HTR4: variants seen among roughly 807,000 people sequenced by gnomAD.
The protein encoded by HTR4 is 5-hydroxytryptamine receptor 4.
HTR4 carries 16 observed loss-of-function variants against 36.8 expected under a neutral mutation model. The observed-to-expected ratio is 0.43, with a 90% confidence interval of 0.29 to 0.66. HTR4 has a LOEUF of 0.66. HTR4 is among the 30% of genes least tolerant of loss of function. The pLI, the probability that HTR4 is intolerant of heterozygous loss-of-function variation, is 0.13. For missense variants in HTR4, 438 were observed against 490.9 expected, an observed-to-expected ratio of 0.89 and a Z score of 1.02; for synonymous variants, 189 against 185.1, an observed-to-expected ratio of 1.02 and a Z score of -0.17.
chr5:148,544,130 C>A (rs1420260369), intron 4 of HTR4, among the ~76,000 whole-genome samples: 1 of 152,178 alleles, frequency 6.6e-6, no homozygotes, highest in Non-Finnish European at 1.5e-5. Flanking sequence ...CCCCCAACCC[C>A]AATTTAACTG....
At chr5:148,475,194 C>G (rs978940241), downstream of HTR4, among the ~76,000 whole-genome samples, 1 of 152,138 alleles carries the variant, frequency 6.6e-6, no homozygotes, top group Non-Finnish European at 1.5e-5. Context: ...AATTATACAA[C>G]CTCATGAGTT....
intron 2 of HTR4, among the ~76,000 whole-genome samples, chr5:148,591,216 G>A (rs1056421870): frequency 1.3e-5 from 2 of 152,084 alleles, no homozygotes; most frequent in African/African-American, 4.8e-5. Flanking sequence ...GTACTATTTT[G>A]TTTTGGTTAC....
chr5:148,482,783 G>A lies in HTR4; in HGVS notation c.*420C>T. 9.6e-7 allele frequency: 1 copy of A among 1,043,314 alleles called. No individual in the cohort carries two copies. Among genetic ancestry groups the A allele is most frequent in the Non-Finnish European group, 1.2e-6 (1 of 862,902 alleles). The allele number at this position is 1,043,314 out of a possible 1,614,324, so 64.6% of individuals were successfully genotyped here. Reference sequence around the variant, plus strand: ...CTCTGGCTAAGACAGGAACAGAGAGGGAGTATTTTGTTGATATCTGGAAGC... The same window carrying A: ...CTCTGGCTAAGACAGGAACAGAGAGAGAGTATTTTGTTGATATCTGGAAGC... On this transcript the variant is annotated 3_prime_UTR_variant, in exon 7 of 7. Transcript: ENST00000377888.
chr5:148,617,461 C>A (rs977468612), intron 2 of HTR4, among the ~76,000 whole-genome samples: 1 of 137,546 alleles, frequency 7.3e-6, no homozygotes, highest in Admixed American at 7.3e-5. Context: ...TCAAGTCTCT[C>A]TCTTTTGTTT....
intron 5 of HTR4, among the ~76,000 whole-genome samples, chr5:148,510,866 G>T (rs1757464350): frequency 6.6e-6 from 1 of 152,172 alleles, no homozygotes; most frequent in Non-Finnish European, 1.5e-5. Flanking sequence ...GCCAAGAGGG[G>T]CCTTAGGGCT....
chr5:148,566,291 G>A (rs1760439433), intron 2 of HTR4, among the ~76,000 whole-genome samples: 2 of 152,146 alleles, frequency 1.3e-5, no homozygotes, highest in Non-Finnish European at 2.9e-5. Context: ...TATGGGTCCA[G>A]ATACTATAGT....
At chr5:148,574,805 G>A (rs112862035) in intron 2 of HTR4, among the ~76,000 whole-genome samples, 2,091 of 152,140 alleles carry the variant, frequency 0.014, 41 homozygotes, top group African/African-American at 0.049. Context: ...ACATTCTACA[G>A]TAAGTGAAAT....
At chr5:148,609,158 A>T (rs1752301668) in intron 2 of HTR4, among the ~76,000 whole-genome samples, 1 of 152,238 alleles carries the variant, frequency 6.6e-6, no homozygotes, top group East Asian at 1.9e-4. Flanking sequence ...TATTGGAAAT[A>T]AAAAGAAAGC....
downstream of HTR4, chr5:148,476,749 G>A (rs751197992): frequency 1.4e-5 from 23 of 1,613,272 alleles, no homozygotes; most frequent in Non-Finnish European, 1.9e-5. Context: ...TCAAAATCTG[G>A]TAGGAGAGAT....
At chr5:148,608,441 G>A (rs1213154239) in intron 2 of HTR4, among the ~76,000 whole-genome samples, 1 of 151,822 alleles carries the variant, frequency 6.6e-6, no homozygotes. Flanking sequence ...AAGTGGTGAA[G>A]AAGAATGCTC....
chr5:148,515,117 C>T (rs1757679835), intron 5 of HTR4, among the ~76,000 whole-genome samples: 1 of 151,854 alleles, frequency 6.6e-6, no homozygotes, highest in Non-Finnish European at 1.5e-5. Flanking sequence ...ATATTTATTG[C>T]TTATTTTCAG....
intron 2 of HTR4, among the ~76,000 whole-genome samples, chr5:148,567,107 C>T (rs936523078): frequency 6.6e-6 from 1 of 152,006 alleles, no homozygotes; most frequent in African/African-American, 2.4e-5. Flanking sequence ...TTTTTAATTG[C>T]AAATGTAGCT....
intron 2 of HTR4, among the ~76,000 whole-genome samples, chr5:148,570,066 T>C (rs540049417): frequency 3.5e-4 from 53 of 152,214 alleles, no homozygotes; most frequent in African/African-American, 1.2e-3. Context: ...TCTTGCCAAA[T>C]AGGTCATACA....
intron 4 of HTR4, among the ~76,000 whole-genome samples, chr5:148,544,058 G>A (rs539829143): frequency 6.6e-6 from 1 of 151,640 alleles, no homozygotes; most frequent in South Asian, 2.2e-4. Flanking sequence ...AGAAGGTTAC[G>A]TTCTAGCAAA....
At chr5:148,644,270 T>G (rs1753809493) in intron 1 of HTR4, among the ~76,000 whole-genome samples, 1 of 152,120 alleles carries the variant, frequency 6.6e-6, no homozygotes, top group Admixed American at 6.6e-5. Flanking sequence ...AGGTCGTATG[T>G]TAAAAAATGT....
At chr5:148,532,523 G>A (rs529700975) in intron 4 of HTR4, among the ~76,000 whole-genome samples, 4 of 152,316 alleles carry the variant, frequency 2.6e-5, no homozygotes, top group African/African-American at 9.6e-5. Context: ...TCTAGCAGAG[G>A]GATGGGGAAA....
chr5:148,545,506 T>C (rs1357711099), intron 4 of HTR4, among the ~76,000 whole-genome samples: 1 of 152,256 alleles, frequency 6.6e-6, no homozygotes, highest in African/African-American at 2.4e-5. Context: ...AAGTATAGAC[T>C]TGATTTTAAC....
intron 1 of HTR4, among the ~76,000 whole-genome samples, chr5:148,652,547 C>T (rs1754071909): frequency 6.6e-6 from 1 of 152,136 alleles, no homozygotes. Context: ...TTCAAGGATG[C>T]TTTTGCCCCT....
intron 2 of HTR4, among the ~76,000 whole-genome samples, chr5:148,634,758 A>G (rs1022874597): frequency 6.6e-6 from 1 of 152,160 alleles, no homozygotes; most frequent in Non-Finnish European, 1.5e-5. Flanking sequence ...CCTTCTCTGA[A>G]TCATGTCTCC....
Sources: allele counts gnomAD v4.1 joint callset (sites outside exome capture counted in the v4.1 genomes callset), GRCh38; gene constraint gnomAD v4.1.1; transcripts MANE v1.5; gene names NCBI Gene and HGNC (gene_info 2026-07-23, HGNC 2026-07-21).